NEMF: variants seen among roughly 807,000 people sequenced by gnomAD.
The protein encoded by NEMF is ribosome quality control complex subunit NEMF.
A neutral mutation model predicts 162.2 loss-of-function variants in NEMF; 89 were observed. The ratio of observed to expected loss-of-function variants is 0.55; its 90% CI spans 0.46 to 0.65. NEMF has a LOEUF of 0.65. Ranked by LOEUF, NEMF falls within the 30% of genes least tolerant of loss-of-function variation. NEMF has a pLI of 0.00. For synonymous variants in NEMF, 421 were observed against 404.5 expected, an observed-to-expected ratio of 1.04 and a Z score of -0.49; for missense variants, 1,133 against 1,261.9, an observed-to-expected ratio of 0.90 and a Z score of 1.55.
At chr14:49,845,921 G>A (rs1292169609) in intron 4 of NEMF, 9 of 546,528 alleles carry the variant, frequency 1.6e-5, no homozygotes, top group African/African-American at 9.5e-5. Context: ...ACATTCATAA[G>A]GCTATTCTAA....
Position 49,851,825 on chromosome 14 carries a change from T to C in NEMF, c.110A>G (p.Tyr37Cys). Reference protein sequence around the residue: ...NNVYDVDNKTYLIRLQKPDFK... With the variant: ...NNVYDVDNKTCLIRLQKPDFK... ...TTCTTACTTTTGAAGACGAATAAGG[T>C]ATGTCTTATTATCCACATCATAAAC... The change falls in exon 2 of 33, where the codon TAC becomes TGC. Residue 37 changes from tyrosine (Y) to cysteine (C), a missense_variant. Physicochemically the swap from Tyr to Cys is radical, Grantham distance 194 (BLOSUM62 -2). Around this residue, in one of 3 missense-constraint regions of NEMF, gnomAD observed 582 missense variants for 631.5 expected, o/e 0.92. Coordinates refer to ENST00000298310, the MANE Select transcript of NEMF (RefSeq NM_004713.6). 3 of 1,572,076 alleles carry C rather than the reference T, an allele frequency of 1.9e-6. No homozygotes were observed. The highest frequency in any genetic ancestry group is 2.6e-6 in the Non-Finnish European group (3 of 1,150,076).
rs188817414 is a variant in NEMF at position 49,827,714 on chromosome 14, G to A, written c.1488+577C>T. 4.2e-3 allele frequency among the ~76,000 whole-genome samples: 638 copies of A among 152,254 alleles called. 10 individuals are homozygous for A. The highest frequency in any genetic ancestry group is 4.5e-3 in the Non-Finnish European group (308 of 68,012). Reference sequence around the variant, plus strand: ...TGTAATCCCAGCTACTTAGGAGGCTGAGGTGGGAGAATCGCTTGAACCTGG... The same window carrying A: ...TGTAATCCCAGCTACTTAGGAGGCTAAGGTGGGAGAATCGCTTGAACCTGG... On this transcript the variant is annotated intron_variant, in intron 15 of 32. Transcript: ENST00000298310.
At chr14:49,825,982 C>G (rs1426266777) in intron 15 of NEMF, 27 bp from the exon 16 acceptor site, 16 of 1,489,786 alleles carry the variant, frequency 1.1e-5, no homozygotes, top group Non-Finnish European at 1.4e-5. Flanking sequence ...GTTTTAAAAA[C>G]AATTTGTTAA....
In NEMF at chr14:49,789,163, C is replaced by T. The variant is rs767732115; in HGVS notation, c.2878G>A (p.Asp960Asn). 6.2e-7 allele frequency: 1 copy of T among 1,613,926 alleles called. No homozygotes were observed. The change falls in exon 28 of 33, where the codon GAT becomes AAT. Residue 960 changes from aspartate to asparagine, a missense_variant. Asp to Asn is a conservative substitution (Grantham distance 23, BLOSUM62 1). Coordinates refer to ENST00000298310, the MANE Select transcript of NEMF (RefSeq NM_004713.6). ...THELQDFAVD[D>N]PHDDKEEQDL... is the part of the protein sequence containing the mutation. The stretch of plus-strand genomic sequence containing the variant: ...AGCCATACCTTGTCATCATGTGGAT[C>T]ATCTACAGCAAAGTCTTGTAACTCA...
At position 49,802,503 on chromosome 14, in the gene NEMF, G is replaced by A. The variant is rs777123161; in HGVS notation, c.2045C>T (p.Thr682Ile). Residue 682 changes from threonine (T) to isoleucine (I), a missense_variant, in exon 22 of 33, where the codon ACA (threonine) becomes ATA (isoleucine). Physicochemically the swap from Thr to Ile is moderately conservative, Grantham distance 89. Around this residue, in one of 3 missense-constraint regions of NEMF, gnomAD observed 532 missense variants for 578.6 expected, o/e 0.92. Coordinates refer to ENST00000298310, the MANE Select transcript of NEMF (RefSeq NM_004713.6). ...KVRVQDEDME[T>I]LASCTSELIS... ...GAGTTCACTTGTACAACTTGCCAGT[G>A]TCTCCATGTCTTCATCCTGTACTCT... The A allele has an allele frequency of 2.5e-6, 4 of 1,613,756 alleles. No homozygotes were observed. Among genetic ancestry groups the A allele is most frequent in the Middle Eastern group, 1.7e-4 (1 of 6,060 alleles).
At chr14:49,787,694 A>G (rs1202219180) in intron 28 of NEMF, among the ~76,000 whole-genome samples, 1 of 152,236 alleles carries the variant, frequency 6.6e-6, no homozygotes. Flanking sequence ...CATTTAGACC[A>G]TAGCACCTAC....
chr14:49,814,522 C>T (rs1418431884), intron 17 of NEMF, among the ~76,000 whole-genome samples: 1 of 152,188 alleles, frequency 6.6e-6, no homozygotes, highest in Admixed American at 6.5e-5. Flanking sequence ...ATGTAATGTA[C>T]TGAAAGTCCA....
Position 49,835,440 on chromosome 14 carries a change from G to A in NEMF, c.575-991C>T, listed in dbSNP as rs1250369332. ...GCCATATATCATTTCAATAGATGCA[G>A]AAAAAGCATTTGACAAAATTCAACA... On this transcript the variant is annotated intron_variant, in intron 6 of 32. Transcript: ENST00000298310. Among the ~76,000 whole-genome samples, 6 of 152,074 alleles carry A rather than the reference G, an allele frequency of 3.9e-5. No homozygotes were observed. In the South Asian group the frequency reaches 1.0e-3, roughly 26 times the overall value.
At chr14:49,820,741 C>A (rs1185938300) in intron 16 of NEMF, among the ~76,000 whole-genome samples, 1 of 152,130 alleles carries the variant, frequency 6.6e-6, no homozygotes, top group African/African-American at 2.4e-5. Flanking sequence ...CCTCAGCCTG[C>A]CGAGTGCCTG....
chr14:49,829,563 C>T, intron 11 of NEMF, 137 bp from the exon 12 acceptor site: 1 of 696,240 alleles, frequency 1.4e-6, no homozygotes, highest in South Asian at 1.9e-5. Flanking sequence ...TAGTCTACCA[C>T]CCTAGGCCTA....
At position 49,833,475 on chromosome 14, in the gene NEMF, G is replaced by C; in HGVS notation, c.683C>G (p.Ser228Cys). The C allele has an allele frequency of 6.3e-7, 1 of 1,584,732 alleles. No homozygotes were observed. Among genetic ancestry groups the C allele is most frequent in the Non-Finnish European group, 8.6e-7 (1 of 1,160,462 alleles). The change falls in exon 8 of 33, where the codon TCT (serine) becomes TGT (cysteine). Residue 228 changes from serine to cysteine, a missense_variant. Physicochemically the swap from Ser to Cys is moderately radical, Grantham distance 112. This residue lies in a region of NEMF where 582 missense variants were observed against 631.5 expected (regional missense o/e 0.92). Coordinates refer to ENST00000298310, the MANE Select transcript of NEMF (RefSeq NM_004713.6). Reference protein sequence around the residue: ...ETKDIEKVLVSLQKAEDYMKT... With the variant: ...ETKDIEKVLVCLQKAEDYMKT... The stretch of plus-strand genomic sequence containing the variant: ...CATATAGTCTTCTGCTTTCTGCAGA[G>C]AAACAAGTACTTTTTCAATATCTAA...
At chr14:49,812,776 C>G (rs1304410889) in intron 18 of NEMF, among the ~76,000 whole-genome samples, 1 of 151,714 alleles carries the variant, frequency 6.6e-6, no homozygotes, top group Non-Finnish European at 1.5e-5. Flanking sequence ...TGTCTAATTT[C>G]AACAGTTTTA....
intron 3 of NEMF, among the ~76,000 whole-genome samples, chr14:49,850,215 G>T (rs1285606422): frequency 6.6e-6 from 1 of 152,016 alleles, no homozygotes; most frequent in East Asian, 1.9e-4. Flanking sequence ...TGGTTCTCCT[G>T]CCCCATCCTC....
chr14:49,804,755 G>C (rs1891112708), intron 19 of NEMF, among the ~76,000 whole-genome samples: 1 of 152,130 alleles, frequency 6.6e-6, no homozygotes, highest in Admixed American at 6.5e-5. Flanking sequence ...AAGGGGCCAA[G>C]TGTGCTAGCT....
At chr14:49,827,609 T>C (rs1015948593) in intron 15 of NEMF, among the ~76,000 whole-genome samples, 1 of 152,122 alleles carries the variant, frequency 6.6e-6, no homozygotes, top group Non-Finnish European at 1.5e-5. Flanking sequence ...GGTCAGCAGT[T>C]TGAGACCAAG....
At chr14:49,790,104 CTG>C (rs1890370786) in intron 26 of NEMF, among the ~76,000 whole-genome samples, 1 of 152,124 alleles carries the variant, frequency 6.6e-6, no homozygotes, top group African/African-American at 2.4e-5. Flanking sequence ...TCTTGATTAA[CTG>C]TGTTAACTGG....
At chr14:49,794,718 C>CTTTT (rs10645758) in intron 26 of NEMF, among the ~76,000 whole-genome samples, 4 of 137,660 alleles carry the variant, frequency 2.9e-5, no homozygotes, top group Non-Finnish European at 4.6e-5. Context: ...ACTGCTACAG[C>CTTTT]TTTTTTTTTT....
chr14:49,787,551 C>T (rs1040832789), intron 28 of NEMF, among the ~76,000 whole-genome samples: 2 of 152,180 alleles, frequency 1.3e-5, no homozygotes, highest in African/African-American at 4.8e-5. Flanking sequence ...GCAGTGTCCT[C>T]ACGTGGCAAA....
At chr14:49,845,490 T>C (rs1893454869) in intron 4 of NEMF, among the ~76,000 whole-genome samples, 1 of 152,328 alleles carries the variant, frequency 6.6e-6, no homozygotes, top group Admixed American at 6.5e-5. Flanking sequence ...TCCTGGAACT[T>C]TTTTACTTTA....
Sources: allele counts gnomAD v4.1 joint callset (sites outside exome capture counted in the v4.1 genomes callset), GRCh38; gene constraint gnomAD v4.1.1; regional missense constraint gnomAD v4.1.1; transcripts MANE v1.5; gene names NCBI Gene and HGNC (gene_info 2026-07-23, HGNC 2026-07-21).